The following MRGPRX3 variants were observed in gnomAD, a reference collection of about 807,000 sequenced individuals.
The protein encoded by MRGPRX3 is mas-related G protein-coupled receptor member X3.
Under a neutral mutation model 16.5 loss-of-function variants are expected in MRGPRX3, and 14 were observed. The ratio of observed to expected loss-of-function variants is 0.85; its 90% CI spans 0.56 to 1.33. The LOEUF (loss-of-function observed/expected upper bound fraction) is 1.33. MRGPRX3 is among the 40% of genes most tolerant of loss of function. The pLI is 0.00. For synonymous variants in MRGPRX3, 199 were observed against 180.1 expected (o/e 1.10, Z -0.84); for missense variants, 449 against 413.0 (o/e 1.09, Z -0.76).
Position 18,121,590 on chromosome 11 carries a change from G to A in MRGPRX3, c.-152+426G>A, listed in dbSNP as rs549018084. Among the ~76,000 whole-genome samples, 7 of 152,360 alleles carry A rather than the reference G, an allele frequency of 4.6e-5. No homozygotes were observed. The East Asian group carries it at 7.7e-4, about 17-fold the overall frequency. On this transcript the variant is annotated intron_variant, in intron 1 of 2. Transcript: ENST00000396275. Reference sequence around the variant, plus strand: ...AAGGTGGGGAAAAGATTGAGAAATCGGATGGTTGCCGTGTCTGTGTGGAAA... The same window carrying A: ...AAGGTGGGGAAAAGATTGAGAAATCAGATGGTTGCCGTGTCTGTGTGGAAA...
chr11:18,136,044 A>G (rs994944680), intron 1 of MRGPRX3, among the ~76,000 whole-genome samples: 6 of 152,148 alleles, frequency 3.9e-5, no homozygotes, highest in South Asian at 4.1e-4. Context: ...TTGCATGAAT[A>G]TCTCTCTTTA....
At position 18,137,830 on chromosome 11, in the gene MRGPRX3, C is replaced by A; in HGVS notation, c.628C>A (p.Pro210Thr). 6.2e-7 allele frequency: 1 copy of A among 1,614,176 alleles called. No homozygotes were observed. The highest frequency in any genetic ancestry group is 8.5e-7 in the Non-Finnish European group (1 of 1,180,034). Residue 210 changes from proline to threonine, a missense_variant, in exon 2 of 2, where the codon CCG becomes ACG. Transcript: ENST00000621697. ...VRILCGSRKM[P>T]LTRLYVTILL... is the part of the protein sequence containing the mutation. ...GATTCTCTGTGGATCCCGGAAGATG[C>A]CGCTGACCAGGCTGTACGTGACCAT...
At chr11:18,128,858 A>T (rs1232055994), upstream of MRGPRX3, among the ~76,000 whole-genome samples, 1 of 152,236 alleles carries the variant, frequency 6.6e-6, no homozygotes, top group Non-Finnish European at 1.5e-5. Context: ...ATCATTCGTC[A>T]GATTCTGTGT....
intron 1 of MRGPRX3, 137 bp from the exon 2 acceptor site, chr11:18,137,041 C>A (rs1410611267): frequency 3.2e-6 from 3 of 938,956 alleles, no homozygotes; most frequent in South Asian, 3.7e-5. Flanking sequence ...AGGACCCCCA[C>A]CTTTTGATAG....
chr11:18,122,203 C>CT (rs935569197), intron 1 of MRGPRX3, among the ~76,000 whole-genome samples: 2 of 151,174 alleles, frequency 1.3e-5, no homozygotes, highest in Admixed American at 6.6e-5. Flanking sequence ...CTTGCTGAGA[C>CT]TTTTTTTTTA....
intron 1 of MRGPRX3, among the ~76,000 whole-genome samples, chr11:18,123,190 C>A (rs1445396580): frequency 5.3e-5 from 8 of 152,224 alleles, no homozygotes; most frequent in African/African-American, 9.6e-5. Context: ...TCTTTAGTTT[C>A]ATTAGATCCC....
chr11:18,136,147 G>A (rs1849005857), intron 1 of MRGPRX3, among the ~76,000 whole-genome samples: 1 of 152,112 alleles, frequency 6.6e-6, no homozygotes, highest in South Asian at 2.1e-4. Flanking sequence ...AAGATCTCCC[G>A]AAAGAGAGAA....
At position 18,137,450 on chromosome 11, in the gene MRGPRX3, C is replaced by T. The variant is rs369037141; in HGVS notation, c.248C>T (p.Ser83Leu). ...TTCCTTAGCGGCCACATTATATGTT[C>T]GCCGTTACGCCTCATCAATATCCGC... is the stretch of plus-strand genomic sequence containing the variant. The part of the protein sequence containing the change: ...FLFLSGHIIC[S>L]PLRLINIRHP... Residue 83 changes from serine (S) to leucine (L), a missense_variant, in exon 2 of 2, where the codon TCG (serine) becomes TTG (leucine). Transcript: ENST00000621697. 55 of 1,614,048 alleles carry T rather than the reference C, an allele frequency of 3.4e-5. No homozygotes were observed. Among genetic ancestry groups the T allele is most frequent in the East Asian group, 3.1e-4 (14 of 44,892 alleles).
In MRGPRX3 at chr11:18,137,200, A is replaced by C. The variant is rs1849014940; in HGVS notation, c.-3A>C. ...CAGGGTCATCAGACTGGGGTTTCTGAGCATGGATTCAACCATCCCAGTCTT... is the reference window on the plus strand; with the variant it reads ...CAGGGTCATCAGACTGGGGTTTCTGCGCATGGATTCAACCATCCCAGTCTT... On this transcript the variant is annotated 5_prime_UTR_variant, in exon 2 of 2. Coordinates refer to ENST00000621697, the MANE Select transcript of MRGPRX3 (RefSeq NM_001370464.1). The C allele has an allele frequency of 6.3e-7, 1 of 1,578,134 alleles. No homozygotes were observed. Among genetic ancestry groups the C allele is most frequent in the East Asian group, 2.2e-5 (1 of 44,480 alleles).
intron 1 of MRGPRX3, among the ~76,000 whole-genome samples, chr11:18,125,563 G>A (rs557960879): frequency 1.8e-4 from 27 of 146,888 alleles, no homozygotes; most frequent in East Asian, 7.7e-4. Context: ...AGAGTTTGTC[G>A]TGATTTCTCT....
At chr11:18,123,804 T>C (rs899331368) in intron 1 of MRGPRX3, among the ~76,000 whole-genome samples, 5 of 152,254 alleles carry the variant, frequency 3.3e-5, no homozygotes, top group Non-Finnish European at 4.4e-5. Context: ...ACGATATTGC[T>C]TCTTCCTACC....
chr11:18,136,736 T>A (rs1487091328), intron 1 of MRGPRX3, among the ~76,000 whole-genome samples: 2 of 152,186 alleles, frequency 1.3e-5, no homozygotes, highest in African/African-American at 4.8e-5. Flanking sequence ...TTTTCACACA[T>A]CCTAGCGAAG....
chr11:18,125,513 T>TA (rs1218758890), intron 1 of MRGPRX3, among the ~76,000 whole-genome samples: 7 of 152,358 alleles, frequency 4.6e-5, no homozygotes, highest in African/African-American at 1.4e-4. Context: ...GTGAGATTCT[T>TA]AATCTTGAGT....
At chr11:18,135,524 T>C (rs1442337360) in intron 1 of MRGPRX3, among the ~76,000 whole-genome samples, 1 of 152,182 alleles carries the variant, frequency 6.6e-6, no homozygotes, top group Admixed American at 6.5e-5. Context: ...CTCCTGCCCA[T>C]GTGCATTCTT....
intron 1 of MRGPRX3, among the ~76,000 whole-genome samples, chr11:18,122,235 G>A (rs1012785930): frequency 5.9e-5 from 9 of 151,858 alleles, no homozygotes; most frequent in African/African-American, 1.9e-4. Context: ...TAAGTTCTAG[G>A]GTACATGTGC....
intron 1 of MRGPRX3, among the ~76,000 whole-genome samples, chr11:18,127,297 C>T (rs1848910673): frequency 1.3e-5 from 2 of 152,164 alleles, no homozygotes; most frequent in Non-Finnish European, 2.9e-5. Context: ...CTCTGTATTT[C>T]CTGAATCTGA....
intron 1 of MRGPRX3, among the ~76,000 whole-genome samples, chr11:18,125,619 A>G (rs543281038): frequency 7.1e-4 from 108 of 152,226 alleles, no homozygotes; most frequent in African/African-American, 2.5e-3. Flanking sequence ...TATGTGGTCA[A>G]TTTTAGAATA....
At chr11:18,129,267 A>T (rs1848935770), upstream of MRGPRX3, among the ~76,000 whole-genome samples, 4 of 152,368 alleles carry the variant, frequency 2.6e-5, no homozygotes, top group South Asian at 8.3e-4. Context: ...TTGAAAACTT[A>T]AACAAAATTG....
At chr11:18,128,703 A>T (rs2468767), upstream of MRGPRX3, among the ~76,000 whole-genome samples, 3,788 of 152,282 alleles carry the variant, frequency 0.025, 151 homozygotes, top group East Asian at 0.12. Context: ...AGGAAAGGGA[A>T]TTCCCTGACC....
Sources: allele counts gnomAD v4.1 joint callset (sites outside exome capture counted in the v4.1 genomes callset), GRCh38; gene constraint gnomAD v4.1.1; transcripts MANE v1.5; gene names NCBI Gene and HGNC (gene_info 2026-07-23, HGNC 2026-07-21).